Variants in RPL13 observed in about 807,000 individuals in gnomAD.
The protein encoded by RPL13 is ribosomal protein L13.
Under a neutral mutation model 21.4 loss-of-function variants are expected in RPL13, and 1 was observed. The ratio of observed to expected loss-of-function variants is 0.05; its 90% CI spans 0.02 to 0.22. RPL13 has a LOEUF of 0.22. RPL13 is among the 10% of genes least tolerant of loss of function. The probability of loss-of-function intolerance (pLI) is 1.00; values close to 1 mark genes in which losing one functional copy is unlikely to be tolerated. For missense variants in RPL13, 289 were observed against 303.0 expected, an observed-to-expected ratio of 0.95 and a Z score of 0.34; for synonymous variants, 143 against 120.5, an observed-to-expected ratio of 1.19 and a Z score of -1.23.
At position 89,563,825 on chromosome 16, in the gene RPL13, C is replaced by G. The variant is rs535049946; in HGVS notation, c.*783C>G. ...CTTGTTGTGCCCGGTAACCATGGTCCTCTTGCTCTGATTAACCCTTCCTTC... is the reference window on the plus strand; with the variant it reads ...CTTGTTGTGCCCGGTAACCATGGTCGTCTTGCTCTGATTAACCCTTCCTTC... On this transcript the variant is annotated 3_prime_UTR_variant, in exon 6 of 6. Transcript: ENST00000311528. 3.4e-4 allele frequency: 52 copies of G among 152,330 alleles called. No individual in the cohort carries two copies. The highest frequency in any genetic ancestry group is 1.2e-3 in the African/African-American group (51 of 41,560). The allele number at this position is 152,330 out of a possible 1,614,324, so 9.4% of individuals were successfully genotyped here. A position where few individuals can be genotyped will look rare whatever the true frequency, so the allele number is the denominator to read the frequency against.
intron 4 of RPL13, 196 bp downstream of exon 4, chr16:89,561,947 G>C: frequency 1.5e-6 from 1 of 665,806 alleles, no homozygotes; most frequent in Non-Finnish European, 2.5e-6. Context: ...AAGGCTGTGT[G>C]ACTTGGAGGC....
chr16:89,561,665 G>T lies in RPL13; in HGVS notation c.334G>T (p.Ala112Ser), dbSNP rs9930567. Residue 112 changes from alanine to serine, a missense_variant, in exon 4 of 6, where the codon GCC (alanine) becomes TCC (serine). Coordinates refer to ENST00000311528, the MANE Select transcript of RPL13 (RefSeq NM_000977.4). ...GAACAAGTCCACGGAGTCCCTGCAG[G>T]CCAACGTGCAGCGGCTGAAGGAGTA... ...RRNKSTESLQ[A>S]NVQRLKEYRS... 2.5e-6 allele frequency: 4 copies of T among 1,613,766 alleles called. No homozygotes were observed. The highest frequency in any genetic ancestry group is 2.2e-5 in the South Asian group (2 of 91,082).
At chr16:89,562,103 C>G (rs970224260) in intron 4 of RPL13, 1 of 594,914 alleles carries the variant, frequency 1.7e-6, no homozygotes, top group African/African-American at 1.9e-5. Context: ...CTGCCCCGCC[C>G]GTGGTTCACA....
At position 89,560,847 on chromosome 16, in the gene RPL13, C is replaced by T. The variant is rs1053807624; in HGVS notation, c.-20-93C>T. 8 of 819,232 alleles carry T rather than the reference C, an allele frequency of 9.8e-6. No individual in the cohort carries two copies. The African/African-American group carries it at 1.1e-4, about 11-fold the overall frequency. 50.7% of individuals were successfully genotyped at this position (819,232 alleles called of 1,614,324 possible). A position where few individuals can be genotyped will look rare whatever the true frequency, so the allele number is the denominator to read the frequency against. On this transcript the variant is annotated intron_variant, in intron 1 of 5. Coordinates refer to ENST00000311528, the MANE Select transcript of RPL13 (RefSeq NM_000977.4). ...CCGCTGCCCGGGCTCTAGGCGCGGC[C>T]GGACGGCCCAGTCTGGAGGGTTCGG...
downstream of RPL13, chr16:89,564,663 T>C (rs1287047729): frequency 6.6e-6 from 1 of 152,040 alleles, no homozygotes; most frequent in African/African-American, 2.4e-5. Context: ...TCAAAAAAAG[T>C]TGTACAAGGT....
At position 89,564,088 on chromosome 16, in the gene RPL13, CAGCACCTGCTCTCCT is replaced by C. The variant is rs1646180813; in HGVS notation, c.*1047_*1061del. 1 of 152,338 alleles carries C rather than the reference CAGCACCTGCTCTCCT, an allele frequency of 6.6e-6. No homozygotes were observed. The highest frequency in any genetic ancestry group is 2.4e-5 in the African/African-American group (1 of 41,454). 9.4% of individuals were successfully genotyped at this position (152,338 alleles called of 1,614,324 possible). Reference sequence around the variant, plus strand: ...CTGCCCTAGTCCTACCAGCTCACAGCAGCACCTGCTCTCCTTGGCAGCTATGGCCATGACAACCCC... The same window carrying C: ...CTGCCCTAGTCCTACCAGCTCACAGCTGGCAGCTATGGCCATGACAACCCC... On this transcript the variant is annotated 3_prime_UTR_variant, in exon 6 of 6. Transcript: ENST00000311528.
intron 4 of RPL13, chr16:89,562,050 A>G (rs1192607311): frequency 1.2e-5 from 7 of 588,676 alleles, no homozygotes; most frequent in South Asian, 2.2e-5. Flanking sequence ...TAAAGAGTCC[A>G]TTGTATACGT....
chr16:89,561,433 G>A, intron 3 of RPL13, 65 bp downstream of exon 3: 1 of 1,612,592 alleles, frequency 6.2e-7, no homozygotes, highest in Non-Finnish European at 8.5e-7. Context: ...CCTCAGTCGC[G>A]TGATGACATT....
At chr16:89,562,212 T>C in intron 4 of RPL13, 123 bp from the exon 5 acceptor site, 2 of 850,462 alleles carry the variant, frequency 2.4e-6, no homozygotes, top group South Asian at 1.5e-5. Flanking sequence ...AAGTGTGTTG[T>C]AGAAAAGGCT....
At chr16:89,561,487 C>T (rs780736973) in intron 3 of RPL13, 91 bp from the exon 4 acceptor site, 16 of 1,612,208 alleles carry the variant, frequency 9.9e-6, no homozygotes, top group African/African-American at 1.3e-5. Flanking sequence ...CATTTGAACC[C>T]TTTTCCATCT....
At position 89,561,680 on chromosome 16, in the gene RPL13, C is replaced by A; in HGVS notation, c.349C>A (p.Leu117Met). 6.2e-7 allele frequency: 1 copy of A among 1,613,918 alleles called. No individual in the cohort carries two copies. The highest frequency in any genetic ancestry group is 8.5e-7 in the Non-Finnish European group (1 of 1,180,038). Reference sequence around the variant, plus strand: ...GTCCCTGCAGGCCAACGTGCAGCGGCTGAAGGAGTACCGCTCCAAACTCAT... The same window carrying A: ...GTCCCTGCAGGCCAACGTGCAGCGGATGAAGGAGTACCGCTCCAAACTCAT... ...TESLQANVQR[L>M]KEYRSKLILF... Residue 117 changes from leucine to methionine, a missense_variant, in exon 4 of 6, where the codon CTG becomes ATG. Physicochemically the swap from Leu to Met is conservative, Grantham distance 15. Transcript: ENST00000311528.
chr16:89,562,051 T>C, intron 4 of RPL13: 2 of 588,032 alleles, frequency 3.4e-6, no homozygotes, highest in East Asian at 2.9e-5. Context: ...AAAGAGTCCA[T>C]TGTATACGTT....
chr16:89,561,788 G>A (rs1037532398), intron 4 of RPL13, 37 bp downstream of exon 4: 2 of 1,599,850 alleles, frequency 1.3e-6, no homozygotes, highest in Non-Finnish European at 8.5e-7. Flanking sequence ...TGGTGCGCGG[G>A]GACAGTGAGG....
At chr16:89,562,660 T>C (rs1407980098) in intron 5 of RPL13, 4 of 577,980 alleles carry the variant, frequency 6.9e-6, no homozygotes, top group Middle Eastern at 4.4e-4. Context: ...GGTTTTGAAT[T>C]GCTGGGTTTA....
In RPL13 at chr16:89,563,151, C is replaced by T. The variant is rs1473554602; in HGVS notation, c.*109C>T. On this transcript the variant is annotated 3_prime_UTR_variant, in exon 6 of 6. Transcript: ENST00000311528. ...TGGGGCTTCACTGCTGTGACTTCCT[C>T]CTGCCAGGGGATTTGGGGCTTTCTT... is the stretch of plus-strand genomic sequence containing the variant. 2.7e-6 allele frequency: 3 copies of T among 1,098,526 alleles called. No homozygotes were observed. Among genetic ancestry groups the T allele is most frequent in the Non-Finnish European group, 3.7e-6 (3 of 820,278 alleles). The allele number at this position is 1,098,526 out of a possible 1,614,324, so 68.0% of individuals were successfully genotyped here. A position where few individuals can be genotyped will look rare whatever the true frequency, so the allele number is the denominator to read the frequency against.
At chr16:89,561,093 G>T (rs574534079) in intron 2 of RPL13, 30 bp downstream of exon 2, 64 of 1,580,958 alleles carry the variant, frequency 4.0e-5, no homozygotes, top group Non-Finnish European at 5.4e-5. Flanking sequence ...CTGCCCCTGG[G>T]GCTCGTGCCC....
intron 2 of RPL13, 79 bp downstream of exon 2, chr16:89,561,142 C>T (rs1215056021): frequency 8.1e-5 from 123 of 1,516,482 alleles, no homozygotes; most frequent in Non-Finnish European, 1.1e-4. Flanking sequence ...GATGCCAGGG[C>T]GGGGGGCGCT....
In RPL13 at chr16:89,562,401, C is replaced by T; in HGVS notation, c.477+10C>T. On this transcript the variant is annotated intron_variant, in intron 5 of 5. Coordinates refer to ENST00000311528, the MANE Select transcript of RPL13 (RefSeq NM_000977.4). Reference sequence around the variant, plus strand: ...CATGCCCGTCCGGAACGTAAGTGAACACTTACTCAAATCCAGGCTTCAGAC... The same window carrying T: ...CATGCCCGTCCGGAACGTAAGTGAATACTTACTCAAATCCAGGCTTCAGAC... The T allele has an allele frequency of 6.2e-7, 1 of 1,609,298 alleles. No homozygotes were observed. Among genetic ancestry groups the T allele is most frequent in the African/African-American group, 1.3e-5 (1 of 74,778 alleles).
Position 89,560,720 on chromosome 16 carries a change from A to T in RPL13, c.-21+8A>T. 1 of 462,328 alleles carries T rather than the reference A, an allele frequency of 2.2e-6. No homozygotes were observed. The highest frequency in any genetic ancestry group is 4.3e-5 in the Admixed American group (1 of 23,120). 28.6% of individuals were successfully genotyped at this position (462,328 alleles called of 1,614,324 possible). ...TGTTTTCCTGCGCAGGAGGTGAGGG[A>T]GACTGGGTCCTGGCCTTTGGGCATC... On this transcript the variant is annotated splice_region_variant and intron_variant, in intron 1 of 5. Transcript: ENST00000311528.
Sources: gnomAD v4.1 joint callset for allele counts on GRCh38, gnomAD v4.1.1 for gene constraint, MANE v1.5 for transcripts, NCBI Gene and HGNC (gene_info 2026-07-23, HGNC 2026-07-21) for gene names.